Variants in RCOR3 observed in about 807,000 individuals in gnomAD.
RCOR3 encodes REST corepressor 3.
A neutral mutation model predicts 64.1 loss-of-function variants in RCOR3; 13 were observed. The observed-to-expected ratio is 0.20, with a 90% CI of 0.13 to 0.32. RCOR3 has a LOEUF of 0.32. Among genes scored for constraint, RCOR3 ranks in the 10% least tolerant of loss-of-function variants. The pLI, the probability that RCOR3 is intolerant of heterozygous loss-of-function variation, is 1.00. For synonymous variants in RCOR3, 215 were observed against 239.0 expected, an observed-to-expected ratio of 0.90 and a Z score of 0.93; for missense variants, 489 against 701.2, an observed-to-expected ratio of 0.70 and a Z score of 3.42.
chr1:211,291,757 T>C (rs1042017969), intron 8 of RCOR3, among the ~76,000 whole-genome samples: 6 of 152,174 alleles, frequency 3.9e-5, no homozygotes, highest in South Asian at 4.1e-4. Flanking sequence ...CCAAAACTTA[T>C]TCTCCAACCC....
intron 7 of RCOR3, among the ~76,000 whole-genome samples, chr1:211,286,114 C>G (rs1332305436): frequency 3.3e-5 from 5 of 152,146 alleles, no homozygotes; most frequent in Admixed American, 3.3e-4. Context: ...AATATTTTAT[C>G]TGAAGAGTTA....
At chr1:211,305,070 A>C (rs1021058522) in intron 10 of RCOR3, among the ~76,000 whole-genome samples, 2 of 152,214 alleles carry the variant, frequency 1.3e-5, no homozygotes, top group Non-Finnish European at 2.9e-5. Context: ...TCTTCAGAGA[A>C]CATACTTAAT....
At chr1:211,282,351 T>C (rs968784886) in intron 7 of RCOR3, among the ~76,000 whole-genome samples, 6 of 152,236 alleles carry the variant, frequency 3.9e-5, no homozygotes, top group Admixed American at 2.6e-4. Flanking sequence ...TTGTAGCTGC[T>C]TCTGCATGTT....
intron 8 of RCOR3, among the ~76,000 whole-genome samples, chr1:211,292,345 C>T (rs986190275): frequency 7.9e-5 from 12 of 152,220 alleles, no homozygotes; most frequent in African/African-American, 2.9e-4. Context: ...GCCTAACTTC[C>T]AAACCACAGC....
At chr1:211,287,511 G>T (rs565338245) in intron 7 of RCOR3, among the ~76,000 whole-genome samples, 5 of 152,330 alleles carry the variant, frequency 3.3e-5, no homozygotes, top group African/African-American at 1.2e-4. Flanking sequence ...TGCCCTACTG[G>T]GAGGAGTTTC....
rs756643084 is a variant in RCOR3 at position 211,268,369 on chromosome 1, C to CTTTTTTTTTTTT, written c.224-2847_224-2836dup. ...AGATATATCAAAGTTTCTTTTCTTTCTTTTTTTTTTTTTTTTTTTTTTTTT... is the reference window on the plus strand; with the variant it reads ...AGATATATCAAAGTTTCTTTTCTTTCTTTTTTTTTTTTTTTTTTTTTTTTTTTTTTTTTTTTT... On this transcript the variant is annotated intron_variant, in intron 2 of 11. Coordinates refer to ENST00000419091, the MANE Select transcript of RCOR3 (RefSeq NM_001136223.3). Among the ~76,000 whole-genome samples the CTTTTTTTTTTTT allele has an allele frequency of 5.0e-5, 4 of 79,354 alleles. 1 individual carries two copies. Among genetic ancestry groups the CTTTTTTTTTTTT allele is most frequent in the Non-Finnish European group, 7.4e-5 (3 of 40,310 alleles). 52.1% of individuals were successfully genotyped at this position (79,354 alleles called of 152,430 possible).
At chr1:211,292,611 A>G (rs1558088295) in intron 8 of RCOR3, among the ~76,000 whole-genome samples, 1 of 152,202 alleles carries the variant, frequency 6.6e-6, no homozygotes, top group Non-Finnish European at 1.5e-5. Flanking sequence ...AACCACTGCT[A>G]CTTTTATGTC....
At position 211,313,620 on chromosome 1, in the gene RCOR3, C is replaced by T. The variant is rs1426584171; in HGVS notation, c.1514C>T (p.Thr505Ile). 1 of 1,614,182 alleles carries T rather than the reference C, an allele frequency of 6.2e-7. No homozygotes were observed. The highest frequency in any genetic ancestry group is 8.5e-7 in the Non-Finnish European group (1 of 1,180,028). The change falls in exon 12 of 12, where the codon ACT becomes ATT. Residue 505 changes from threonine to isoleucine, a missense_variant. Thr to Ile is a moderately conservative substitution (Grantham distance 89, BLOSUM62 -1). Coordinates refer to ENST00000419091, the MANE Select transcript of RCOR3 (RefSeq NM_001136223.3). The surrounding 1 kb of genome is among the most constrained non-coding windows in gnomAD (Gnocchi z 4.7). Reference sequence around the variant, plus strand: ...GCTCGGTTCATCCAGCCCCGGCCAACTTTAAATCAGCCTCCACCACCTCTT... The same window carrying T: ...GCTCGGTTCATCCAGCCCCGGCCAATTTTAAATCAGCCTCCACCACCTCTT... ...QQARFIQPRP[T>I]LNQPPPPLIR...
chr1:211,269,425 GTC>G (rs1047955179), intron 2 of RCOR3, among the ~76,000 whole-genome samples: 41 of 152,038 alleles, frequency 2.7e-4, no homozygotes, highest in African/African-American at 9.4e-4. Flanking sequence ...ATGAAACCCT[GTC>G]TCTACTAAAA....
chr1:211,299,281 A>G (rs1010154352), intron 9 of RCOR3, among the ~76,000 whole-genome samples: 1 of 152,198 alleles, frequency 6.6e-6, no homozygotes, highest in Non-Finnish European at 1.5e-5. Context: ...GAACATTGCA[A>G]GGTAGAAAAT....
chr1:211,300,905 T>C (rs1439159834), intron 9 of RCOR3, among the ~76,000 whole-genome samples: 3 of 79,654 alleles, frequency 3.8e-5, no homozygotes, highest in African/African-American at 1.3e-4. Flanking sequence ...CTCTAGTGTG[T>C]ATGCGTGCGT....
At chr1:211,274,723 T>G (rs1696705436) in intron 4 of RCOR3, among the ~76,000 whole-genome samples, 1 of 151,748 alleles carries the variant, frequency 6.6e-6, no homozygotes, top group Non-Finnish European at 1.5e-5. Context: ...ATTTAAGACT[T>G]TTAAATTTTG....
intron 8 of RCOR3, among the ~76,000 whole-genome samples, chr1:211,294,183 C>T (rs1699581680): frequency 6.6e-6 from 1 of 151,932 alleles, no homozygotes; most frequent in Admixed American, 6.6e-5. Flanking sequence ...CAAAATGTAC[C>T]CAGCTGAACT....
rs776607398 is a variant in RCOR3 at position 211,274,190 on chromosome 1, A to T, written c.302-20A>T. ...GAAGTAAATGAGAATAATTAATTAT[A>T]TAACATTATTTCATTGCAGTGGATG... On this transcript the variant is annotated intron_variant, in intron 3 of 11. Transcript: ENST00000419091. The T allele has an allele frequency of 6.6e-7, 1 of 1,522,482 alleles. No homozygotes were observed. Among genetic ancestry groups the T allele is most frequent in the East Asian group, 2.3e-5 (1 of 43,054 alleles). 94.3% of individuals were successfully genotyped at this position (1,522,482 alleles called of 1,614,324 possible).
chr1:211,283,626 T>C lies in RCOR3; in HGVS notation c.720+4310T>C, dbSNP rs564132822. Among the ~76,000 whole-genome samples, 8 of 152,290 alleles carry C rather than the reference T, an allele frequency of 5.3e-5. No individual in the cohort carries two copies. The South Asian group carries it at 1.4e-3, about 28-fold the overall frequency. On this transcript the variant is annotated intron_variant, in intron 7 of 11. Transcript: ENST00000419091. Reference sequence around the variant, plus strand: ...TCTATCTGTTTATTAGCTGTTGTTATATGTTTCGTTCGTGGAGGTTTTTGT... The same window carrying C: ...TCTATCTGTTTATTAGCTGTTGTTACATGTTTCGTTCGTGGAGGTTTTTGT...
chr1:211,289,434 A>C, intron 8 of RCOR3, 38 bp downstream of exon 8: 2 of 1,510,750 alleles, frequency 1.3e-6, no homozygotes, highest in South Asian at 2.4e-5. Flanking sequence ...GATTCTGTGC[A>C]TTTTGGCTAT....
chr1:211,275,716 TAATA>T (rs1258625035), intron 4 of RCOR3, among the ~76,000 whole-genome samples: 1 of 152,172 alleles, frequency 6.6e-6, no homozygotes, highest in Non-Finnish European at 1.5e-5. Flanking sequence ...TATGTTCTGA[TAATA>T]AGTAAATGTG....
intron 2 of RCOR3, chr1:211,267,922 T>G (rs1695478931): frequency 5.7e-6 from 2 of 348,406 alleles, no homozygotes; most frequent in Non-Finnish European, 1.1e-5. Context: ...GGGGAAAAAT[T>G]TAAAAAAAGT....
intron 2 of RCOR3, among the ~76,000 whole-genome samples, chr1:211,264,407 G>GATGA (rs1453617271): frequency 6.6e-6 from 1 of 152,144 alleles, no homozygotes; most frequent in Non-Finnish European, 1.5e-5. Context: ...ATTGGCCAGG[G>GATGA]GTCATAGCTC....
Sources: gnomAD v4.1 joint callset for allele counts (sites outside exome capture counted in the v4.1 genomes callset) on GRCh38, gnomAD v4.1.1 for gene constraint, Gnocchi (gnomAD v3.1) non-coding constraint, MANE v1.5 for transcripts, NCBI Gene and HGNC (gene_info 2026-07-23, HGNC 2026-07-21) for gene names.